The following ZNF708 variants were observed in gnomAD, a reference collection of about 807,000 sequenced individuals.
The protein encoded by ZNF708 is ZNF15, ZNF15L1.
In ZNF708, 44 loss-of-function variants were observed where a neutral mutation model predicts 47.0. The ratio of observed to expected loss-of-function variants is 0.94; its 90% CI spans 0.74 to 1.20. The LOEUF (loss-of-function observed/expected upper bound fraction) is 1.20, where lower values mean the gene tolerates loss of function less well. Ranked by LOEUF, ZNF708 falls within the 50% of genes most tolerant of loss-of-function variation. ZNF708 has a pLI of 0.00. For synonymous variants in ZNF708, 184 were observed against 218.5 expected (o/e 0.84, Z 1.39); for missense variants, 557 against 656.0 (o/e 0.85, Z 1.65).
chr19:21,312,634 T>C (rs575550851), intron 1 of ZNF708, among the ~76,000 whole-genome samples: 1 of 152,216 alleles, frequency 6.6e-6, no homozygotes, highest in Non-Finnish European at 1.5e-5. Context: ...AGCTTAAAAT[T>C]CACTTGGTAA....
Position 21,294,684 on chromosome 19 carries a change from A to G in ZNF708, c.282T>C (p.Ser94=). The change falls in exon 4 of 4, where the codon TCT becomes TCC. Residue 94 remains serine, a synonymous_variant. Transcript: ENST00000356929. ...ATCTTCTCAGTATCACTTGTTGGAA[A>G]GAATTTTTTATATATTGCTCTGGCC... ...DLRPEQYIKN[S]FQQVILRRYG... The G allele has an allele frequency of 1.9e-6, 3 of 1,613,808 alleles. No individual in the cohort carries two copies. Among genetic ancestry groups the G allele is most frequent in the Middle Eastern group, 1.7e-4 (1 of 6,060 alleles).
At chr19:21,327,720 T>A (rs565149633) in intron 1 of ZNF708, among the ~76,000 whole-genome samples, 37 of 152,050 alleles carry the variant, frequency 2.4e-4, no homozygotes, top group African/African-American at 8.2e-4. Flanking sequence ...TCTTTTGGGA[T>A]ACTTTTTTTT....
At chr19:21,305,913 G>A (rs1030750906) in intron 3 of ZNF708, among the ~76,000 whole-genome samples, 2 of 152,096 alleles carry the variant, frequency 1.3e-5, no homozygotes, top group Non-Finnish European at 2.9e-5. Flanking sequence ...AGAACAGAGA[G>A]CCCAGAAATG....
intron 1 of ZNF708, among the ~76,000 whole-genome samples, chr19:21,328,835 G>A (rs867621853): frequency 2.0e-5 from 3 of 152,088 alleles, no homozygotes; most frequent in Non-Finnish European, 2.9e-5. Context: ...GAGAAAATAG[G>A]AACCGGGAAC....
rs753559397 is a variant in ZNF708, at chr19:21,294,682, A to G, written c.284T>C (p.Phe95Ser). Reference protein sequence around the residue: ...LRPEQYIKNSFQQVILRRYGK... With the variant: ...LRPEQYIKNSSQQVILRRYGK... ...ATATCTTCTCAGTATCACTTGTTGG[A>G]AAGAATTTTTTATATATTGCTCTGG... Residue 95 changes from phenylalanine to serine, a missense_variant, in exon 4 of 4, where the codon TTC becomes TCC. Phe to Ser is a radical substitution (Grantham distance 155). Transcript: ENST00000356929. 1.2e-6 allele frequency: 2 copies of G among 1,613,786 alleles called. No homozygotes were observed. Among genetic ancestry groups the G allele is most frequent in the South Asian group, 1.1e-5 (1 of 91,018 alleles).
At chr19:21,324,562 C>G (rs1973219518) in intron 1 of ZNF708, among the ~76,000 whole-genome samples, 1 of 151,836 alleles carries the variant, frequency 6.6e-6, no homozygotes. Context: ...AGAGAAATTC[C>G]ATTTCAAAAA....
intron 3 of ZNF708, among the ~76,000 whole-genome samples, chr19:21,299,595 A>G (rs189242145): frequency 2.0e-4 from 30 of 151,920 alleles, no homozygotes; most frequent in Admixed American, 1.9e-3. Context: ...TACTAAAACA[A>G]CAACAACAAC....
At chr19:21,324,293 C>T (rs769381628) in intron 1 of ZNF708, among the ~76,000 whole-genome samples, 4 of 151,758 alleles carry the variant, frequency 2.6e-5, no homozygotes, top group Non-Finnish European at 4.4e-5. Context: ...CTTGGCTGGG[C>T]GCAGTGGCTT....
chr19:21,321,128 G>C (rs1291232242), intron 1 of ZNF708, among the ~76,000 whole-genome samples: 1 of 151,022 alleles, frequency 6.6e-6, no homozygotes, highest in Non-Finnish European at 1.5e-5. Context: ...GAGACAGTGA[G>C]ACTCATCTTA....
At chr19:21,322,247 G>C (rs1973162600) in intron 1 of ZNF708, among the ~76,000 whole-genome samples, 1 of 152,044 alleles carries the variant, frequency 6.6e-6, no homozygotes, top group African/African-American at 2.4e-5. Context: ...TGTGGTGGCA[G>C]CTGTGGGAAA....
intron 3 of ZNF708, among the ~76,000 whole-genome samples, chr19:21,302,665 CT>C (rs1258387563): frequency 6.6e-6 from 1 of 151,936 alleles, no homozygotes; most frequent in Non-Finnish European, 1.5e-5. Flanking sequence ...TGCCATTGCA[CT>C]CCAGCCTGGG....
chr19:21,318,294 A>G (rs1973056441), intron 1 of ZNF708: 1 of 152,204 alleles, frequency 6.6e-6, no homozygotes, highest in Non-Finnish European at 1.5e-5. Flanking sequence ...TTCCAGCATG[A>G]GTCCAGATAG....
chr19:21,302,934 A>G (rs1349347938), intron 3 of ZNF708, among the ~76,000 whole-genome samples: 1 of 152,148 alleles, frequency 6.6e-6, no homozygotes, highest in African/African-American at 2.4e-5. Flanking sequence ...TAGCAACTCT[A>G]TTTTAAAGCA....
intron 3 of ZNF708, among the ~76,000 whole-genome samples, chr19:21,300,730 G>A (rs1044442922): frequency 7.9e-5 from 12 of 151,542 alleles, no homozygotes; most frequent in African/African-American, 2.4e-4. Context: ...GCACCATCTC[G>A]GCTCACTGCA....
intron 3 of ZNF708, among the ~76,000 whole-genome samples, chr19:21,304,746 C>A (rs747078795): frequency 1.3e-5 from 2 of 152,052 alleles, no homozygotes; most frequent in Non-Finnish European, 2.9e-5. Context: ...GGTAGTAGTG[C>A]ATTTCTGTAG....
At chr19:21,307,022 T>TAA (rs1276227893) in intron 3 of ZNF708, 13 of 129,816 alleles carry the variant, frequency 1.0e-4, no homozygotes, top group African/African-American at 3.6e-4. Context: ...AAACATAACA[T>TAA]AACATAACAT....
At chr19:21,321,151 GA>G (rs1973125772) in intron 1 of ZNF708, among the ~76,000 whole-genome samples, 1 of 150,658 alleles carries the variant, frequency 6.6e-6, no homozygotes, top group Admixed American at 6.6e-5. Flanking sequence ...AAAAAGAAAA[GA>G]AAAGAAAAGA....
intron 3 of ZNF708, among the ~76,000 whole-genome samples, chr19:21,308,258 T>C (rs1328614625): frequency 1.3e-5 from 2 of 151,908 alleles, no homozygotes; most frequent in Non-Finnish European, 2.9e-5. Context: ...AATCCCTAAA[T>C]TTACATGAAA....
intron 1 of ZNF708, among the ~76,000 whole-genome samples, chr19:21,326,011 C>T (rs1001890100): frequency 3.3e-5 from 5 of 152,198 alleles, no homozygotes; most frequent in Admixed American, 1.3e-4. Flanking sequence ...AACCACAATG[C>T]GATACCACCT....
Sources: gnomAD v4.1 joint callset for allele counts (sites outside exome capture counted in the v4.1 genomes callset) on GRCh38, gnomAD v4.1.1 for gene constraint, MANE v1.5 for transcripts, NCBI Gene and HGNC (gene_info 2026-07-23, HGNC 2026-07-21) for gene names.